Variants in ZNF276 observed in about 807,000 individuals in gnomAD.
ZNF276 encodes zinc finger protein 276, also known as centromere protein Z.
ZNF276 carries 59 observed loss-of-function variants against 63.9 expected under a neutral mutation model. That is an observed-to-expected ratio of 0.92 (90% CI 0.75 to 1.15). ZNF276 has a LOEUF of 1.15. Ranked by LOEUF, ZNF276 falls within the 50% of genes most tolerant of loss-of-function variation. The probability of loss-of-function intolerance (pLI) is 0.00; values close to 1 mark genes in which losing one functional copy is unlikely to be tolerated. For missense variants in ZNF276, 1,084 were observed against 843.8 expected, an observed-to-expected ratio of 1.28 and a Z score of -3.53; for synonymous variants, 496 against 348.4, an observed-to-expected ratio of 1.42 and a Z score of -4.72.
upstream of ZNF276, chr16:89,720,517 G>A (rs1336442623): frequency 2.6e-6 from 3 of 1,150,930 alleles, no homozygotes; most frequent in Non-Finnish European, 2.1e-6. Context: ...TGGAGCCCAG[G>A]CTGTGATGCA....
chr16:89,740,039 TCTCTA>T lies in ZNF276; in HGVS notation c.*1794_*1798del, dbSNP rs2062089154. 1 of 1,614,044 alleles carries T rather than the reference TCTCTA, an allele frequency of 6.2e-7. No homozygotes were observed. ...AGTGCCAGCCAGGATATCTTCCTCT[TCTCTA>T]AACACTCGAGGATTGCTGCACAAAC... On this transcript the variant is annotated 3_prime_UTR_variant, in exon 11 of 11. Coordinates refer to ENST00000443381, the MANE Select transcript of ZNF276 (RefSeq NM_001113525.2).
In ZNF276 at chr16:89,723,379, G is replaced by A. The variant is rs982055925; in HGVS notation, c.676G>A (p.Gly226Ser). 6.2e-6 allele frequency: 10 copies of A among 1,613,036 alleles called. No homozygotes were observed. Among genetic ancestry groups the A allele is most frequent in the African/African-American group, 1.3e-5 (1 of 75,070 alleles). The change falls in exon 4 of 11, where the codon GGC becomes AGC. Residue 226 changes from glycine to serine, a missense_variant. Physicochemically the swap from Gly to Ser is moderately conservative, Grantham distance 56 (BLOSUM62 0). Coordinates refer to ENST00000443381, the MANE Select transcript of ZNF276 (RefSeq NM_001113525.2). ...GAGGACACTGTCCTCCGAGTACTGC[G>A]GCGTCATCCAGGTCGTGTGGGGCTG... ...LQRTLSSEYCGVIQVVWGCDQ... is the reference protein window; with the variant it reads ...LQRTLSSEYCSVIQVVWGCDQ...
chr16:89,727,494 C>G, intron 5 of ZNF276, 137 bp downstream of exon 5: 2 of 1,004,844 alleles, frequency 2.0e-6, no homozygotes, highest in Non-Finnish European at 3.0e-6. Context: ...ATCGTAGGGT[C>G]GGCTGCCCAT....
chr16:89,722,640 GC>G lies in ZNF276; in HGVS notation c.317del (p.Pro106HisfsTer83). On this transcript the variant is annotated frameshift_variant, in exon 2 of 11. Transcript: ENST00000443381. LOFTEE classifies it high-confidence loss of function. ...ERAPGASMER[P>X]SAEERVLVRD... ...GGGCGCCTGGAGCGAGCATGGAGAG[GC>G]CATCCGCAGAGGAGCGCGTGCTCGT... 6.2e-7 allele frequency: 1 copy of G among 1,612,016 alleles called. No homozygotes were observed. Among genetic ancestry groups the G allele is most frequent in the Non-Finnish European group, 8.5e-7 (1 of 1,180,022 alleles).
chr16:89,730,000 T>C (rs1327278076), intron 6 of ZNF276, among the ~76,000 whole-genome samples: 2 of 152,180 alleles, frequency 1.3e-5, no homozygotes, highest in Non-Finnish European at 2.9e-5. Context: ...TCCTTGAGCA[T>C]TTCACAGCCC....
At chr16:89,736,642 TAA>T (rs986579454) in intron 9 of ZNF276, among the ~76,000 whole-genome samples, 40 of 151,860 alleles carry the variant, frequency 2.6e-4, no homozygotes, top group Admixed American at 2.6e-3. Context: ...CCAAATTTTT[TAA>T]ATTACCTGGG....
Position 89,722,795 on chromosome 16 carries a change from T to G in ZNF276, c.470T>G (p.Val157Gly), listed in dbSNP as rs758166913. The change falls in exon 2 of 11, where the codon GTC becomes GGC. Residue 157 changes from valine (V) to glycine (G), a missense_variant. Val to Gly is a moderately radical substitution (Grantham distance 109, BLOSUM62 -3). Transcript: ENST00000443381. ...CTTCTCAAGTCCTTCCTGCAGAGGGTCAACGCCTCCCCGGCTGGTCGCCGG... is the reference window on the plus strand; with the variant it reads ...CTTCTCAAGTCCTTCCTGCAGAGGGGCAACGCCTCCCCGGCTGGTCGCCGG... The part of the protein sequence containing the change: ...HSLLKSFLQR[V>G]NASPAGRRKP... 6.2e-7 allele frequency: 1 copy of G among 1,607,158 alleles called. No homozygotes were observed. The highest frequency in any genetic ancestry group is 8.5e-7 in the Non-Finnish European group (1 of 1,179,946).
chr16:89,720,422 A>C, upstream of ZNF276: 1 of 1,026,156 alleles, frequency 9.7e-7, no homozygotes, highest in Non-Finnish European at 1.2e-6. Flanking sequence ...TCTGCCCAGA[A>C]AAATGCACGA....
intron 5 of ZNF276, among the ~76,000 whole-genome samples, chr16:89,728,626 T>C (rs557815509): frequency 4.5e-4 from 69 of 152,100 alleles, no homozygotes; most frequent in African/African-American, 1.7e-3. Context: ...ATGGTCTTGA[T>C]CTCCTGACCT....
intron 4 of ZNF276, among the ~76,000 whole-genome samples, chr16:89,725,548 C>A (rs1032192724): frequency 6.6e-6 from 1 of 151,768 alleles, no homozygotes; most frequent in African/African-American, 2.4e-5. Flanking sequence ...TCCCAGCACT[C>A]TGGGATGCTG....
intron 6 of ZNF276, chr16:89,732,156 G>A (rs1405141038): frequency 8.0e-6 from 1 of 125,318 alleles, no homozygotes; most frequent in African/African-American, 3.2e-5. Context: ...GGAACCACAA[G>A]TGCGTCTCTC....
chr16:89,722,966 C>T, intron 2 of ZNF276, 132 bp downstream of exon 2: 2 of 1,560,460 alleles, frequency 1.3e-6, no homozygotes, highest in Non-Finnish European at 1.7e-6. Context: ...GGTTCAGTGC[C>T]AACAGCCCTG....
chr16:89,720,979 G>T, upstream of ZNF276: 1 of 1,020,766 alleles, frequency 9.8e-7, no homozygotes, highest in Non-Finnish European at 1.3e-6. Context: ...AGGAAGGGAC[G>T]CGGCCGCACT....
chr16:89,720,525 G>A, upstream of ZNF276: 1 of 1,157,370 alleles, frequency 8.6e-7, no homozygotes, highest in Non-Finnish European at 1.1e-6. Flanking sequence ...AGGCTGTGAT[G>A]CACCGGCTCA....
Position 89,738,259 on chromosome 16 carries a change from G to C in ZNF276, c.*13G>C. The C allele has an allele frequency of 6.3e-7, 1 of 1,586,990 alleles. No individual in the cohort carries two copies. Among genetic ancestry groups the C allele is most frequent in the Non-Finnish European group, 8.6e-7 (1 of 1,167,716 alleles). ...CGAACCCACCTGAGGACGGCAGTGA[G>C]GATGAGCACCTCTAGCAGCCTGGAC... On this transcript the variant is annotated 3_prime_UTR_variant, in exon 11 of 11. Coordinates refer to ENST00000443381, the MANE Select transcript of ZNF276 (RefSeq NM_001113525.2).
chr16:89,722,709 C>T lies in ZNF276; in HGVS notation c.384C>T (p.Asp128=), dbSNP rs532403519. The part of the protein sequence containing the change: ...QRLLGVAVRQ[D]PTLSPFVCKS... Reference sequence around the variant, plus strand: ...TGCTTGGTGTGGCTGTCCGCCAGGACCCCACCTTGTCTCCGTTTGTCTGCA... The same window carrying T: ...TGCTTGGTGTGGCTGTCCGCCAGGATCCCACCTTGTCTCCGTTTGTCTGCA... The change falls in exon 2 of 11, where the codon GAC becomes GAT. Residue 128 remains aspartate (D), a synonymous_variant. Transcript: ENST00000443381. 2.5e-6 allele frequency: 4 copies of T among 1,612,356 alleles called. No individual in the cohort carries two copies. The highest frequency in any genetic ancestry group is 1.1e-5 in the South Asian group (1 of 91,082).
At chr16:89,727,469 A>G in intron 5 of ZNF276, 112 bp downstream of exon 5, 1 of 1,282,950 alleles carries the variant, frequency 7.8e-7, no homozygotes, top group Non-Finnish European at 1.1e-6. Flanking sequence ...TTTCTCCTTC[A>G]AAAACCAAAC....
chr16:89,721,812 G>T lies in ZNF276; in HGVS notation c.172G>T (p.Gly58Trp). 1 of 1,235,406 alleles carries T rather than the reference G, an allele frequency of 8.1e-7. No homozygotes were observed. The highest frequency in any genetic ancestry group is 1.0e-6 in the Non-Finnish European group (1 of 990,178). 76.5% of individuals were successfully genotyped at this position (1,235,406 alleles called of 1,614,324 possible). ...CGCCTGGGGCCCGGTGGGGTCCTGC[G>T]GGGACGCGGGCGAGGACGGCGCGGA... ...RRAWGPVGSC[G>W]DAGEDGADEA... is the part of the protein sequence containing the mutation. Residue 58 changes from glycine to tryptophan, a missense_variant, in exon 1 of 11, where the codon GGG becomes TGG. Transcript: ENST00000443381.
rs1041955692 is a variant in ZNF276, at chr16:89,739,404, C to G, written c.*1158C>G. The G allele has an allele frequency of 4.5e-6, 7 of 1,561,042 alleles. No homozygotes were observed. Among genetic ancestry groups the G allele is most frequent in the Non-Finnish European group, 6.1e-6 (7 of 1,148,308 alleles). On this transcript the variant is annotated 3_prime_UTR_variant, in exon 11 of 11. Transcript: ENST00000443381. ...GGCACAGACAACCCTTCCCATCTGG[C>G]GGGACCCAGAGGTGCTGAGATGGGG...
Sources: allele counts gnomAD v4.1 joint callset (sites outside exome capture counted in the v4.1 genomes callset), GRCh38; gene constraint gnomAD v4.1.1; transcripts MANE v1.5; gene names NCBI Gene and HGNC (gene_info 2026-07-23, HGNC 2026-07-21).